The following DDX46 variants were observed in gnomAD, a reference collection of about 807,000 sequenced individuals.
The protein encoded by DDX46 is probable ATP-dependent RNA helicase DDX46.
A neutral mutation model predicts 134.9 loss-of-function variants in DDX46; 30 were observed. The ratio of observed to expected loss-of-function variants is 0.22; its 90% CI spans 0.17 to 0.30. The LOEUF (loss-of-function observed/expected upper bound fraction) is 0.30. Ranked by LOEUF, DDX46 falls within the 10% of genes least tolerant of loss-of-function variation. The pLI is 1.00. For synonymous variants in DDX46, 415 were observed against 404.1 expected, an observed-to-expected ratio of 1.03 and a Z score of -0.32; for missense variants, 622 against 1,248.7, an observed-to-expected ratio of 0.50 and a Z score of 7.56.
At chr5:134,820,166 C>T (rs1280791655) in intron 21 of DDX46, among the ~76,000 whole-genome samples, 4 of 152,248 alleles carry the variant, frequency 2.6e-5, no homozygotes, top group Admixed American at 2.0e-4. Flanking sequence ...ATGGTCCACC[C>T]GCCTTGGTCT....
Position 134,788,494 on chromosome 5 carries a change from G to C in DDX46, c.1465-19G>C, listed in dbSNP as rs752383645. On this transcript the variant is annotated intron_variant, in intron 11 of 22. Transcript: ENST00000452510. ...GTAAGCATTAGTAATAGACTATAAAGTTTCATCTTTTTTATTAGATTGCTG... is the reference window on the plus strand; with the variant it reads ...GTAAGCATTAGTAATAGACTATAAACTTTCATCTTTTTTATTAGATTGCTG... 1.2e-6 allele frequency: 2 copies of C among 1,606,252 alleles called. No homozygotes were observed. The highest frequency in any genetic ancestry group is 2.2e-5 in the South Asian group (2 of 90,770).
At chr5:134,777,226 C>A (rs1048320229) in intron 5 of DDX46, among the ~76,000 whole-genome samples, 1 of 152,290 alleles carries the variant, frequency 6.6e-6, no homozygotes, top group Non-Finnish European at 1.5e-5. Flanking sequence ...TCAAAAAAAA[C>A]ATCATTTAGC....
Position 134,831,107 on chromosome 5 carries a change from T to G in DDX46, c.*2401T>G, listed in dbSNP as rs967733181. 6.6e-6 allele frequency: 1 copy of G among 152,204 alleles called. No individual in the cohort carries two copies. Among genetic ancestry groups the G allele is most frequent in the African/African-American group, 2.4e-5 (1 of 41,468 alleles). The allele number at this position is 152,204 out of a possible 1,614,324, so 9.4% of individuals were successfully genotyped here. ...TTTCTAAATTCCTTATAAAATAAAA[T>G]TAATTCGAATTCAATCTGCACTTTC... On this transcript the variant is annotated 3_prime_UTR_variant, in exon 23 of 23. Transcript: ENST00000452510.
Position 134,784,360 on chromosome 5 carries a change from T to C in DDX46, c.1167-6T>C. The C allele has an allele frequency of 6.3e-7, 1 of 1,593,468 alleles. No homozygotes were observed. The highest frequency in any genetic ancestry group is 8.5e-7 in the Non-Finnish European group (1 of 1,171,588). On this transcript the variant is annotated splice_region_variant and splice_polypyrimidine_tract_variant and intron_variant, in intron 9 of 22. Transcript: ENST00000452510. ...TACCTTTTCTTCCTTTGGTTTTCTT[T>C]TTAAGGCATGGCTATGAAAAGCCCA...
At chr5:134,821,615 G>A (rs1457316054) in intron 21 of DDX46, among the ~76,000 whole-genome samples, 4 of 149,664 alleles carry the variant, frequency 2.7e-5, no homozygotes, top group Non-Finnish European at 5.9e-5. Flanking sequence ...TCACTGCAAC[G>A]GCGCAATTTT....
At chr5:134,798,934 A>G (rs1561866460) in intron 15 of DDX46, among the ~76,000 whole-genome samples, 1 of 152,218 alleles carries the variant, frequency 6.6e-6, no homozygotes, top group Non-Finnish European at 1.5e-5. Flanking sequence ...CACAAAATCT[A>G]TTCTTGTCAT....
intron 16 of DDX46, among the ~76,000 whole-genome samples, chr5:134,808,597 C>CT (rs201117871): frequency 3.9e-5 from 6 of 152,066 alleles, no homozygotes; most frequent in Non-Finnish European, 8.8e-5. Flanking sequence ...ACTTCAGGAT[C>CT]TTTTTTTAAA....
intron 1 of DDX46, 50 bp downstream of exon 1, chr5:134,759,005 G>T (rs1394962696): frequency 6.2e-7 from 1 of 1,601,828 alleles, no homozygotes; most frequent in Non-Finnish European, 8.5e-7. Flanking sequence ...TCTTGGGGTC[G>T]TGAGAAGAGG....
intron 16 of DDX46, among the ~76,000 whole-genome samples, chr5:134,808,548 T>C (rs1755055204): frequency 6.6e-6 from 1 of 152,174 alleles, no homozygotes. Flanking sequence ...TCATTGTAAG[T>C]CGGGGACCAT....
chr5:134,795,134 C>T, intron 14 of DDX46, 120 bp downstream of exon 14: 1 of 1,072,810 alleles, frequency 9.3e-7, no homozygotes, highest in Non-Finnish European at 1.3e-6. Context: ...TCGTATACCA[C>T]TACTCTAGCC....
At chr5:134,795,131 C>T (rs1324149540) in intron 14 of DDX46, 117 bp downstream of exon 14, 4 of 1,164,006 alleles carry the variant, frequency 3.4e-6, no homozygotes, top group Non-Finnish European at 4.9e-6. Flanking sequence ...AAGTCGTATA[C>T]CACTACTCTA....
intron 21 of DDX46, among the ~76,000 whole-genome samples, chr5:134,819,284 G>A (rs1041193799): frequency 6.6e-6 from 1 of 152,178 alleles, no homozygotes; most frequent in African/African-American, 2.4e-5. Context: ...TATGCTTCTA[G>A]TAAGTGGAAT....
At chr5:134,804,312 G>A (rs145961946) in intron 15 of DDX46, among the ~76,000 whole-genome samples, 3 of 152,230 alleles carry the variant, frequency 2.0e-5, no homozygotes, top group Non-Finnish European at 2.9e-5. Context: ...CTAGTATGTA[G>A]GGTTTGCCAC....
chr5:134,798,039 C>T lies in DDX46; in HGVS notation c.1954+1889C>T, dbSNP rs187358861. On this transcript the variant is annotated intron_variant, in intron 15 of 22. Transcript: ENST00000452510. ...GTTGGTCAGGCTGGTCTCGAACTGC[C>T]GACCTCAGGTGATCCGCCCACCTCA... Among the ~76,000 whole-genome samples, 10 of 152,030 alleles carry T rather than the reference C, an allele frequency of 6.6e-5. No homozygotes were observed. The East Asian group carries it at 9.7e-4, about 15-fold the overall frequency.
chr5:134,813,195 G>A (rs1365888944), intron 18 of DDX46, among the ~76,000 whole-genome samples: 4 of 152,054 alleles, frequency 2.6e-5, no homozygotes, highest in Non-Finnish European at 5.9e-5. Context: ...CGCCTGCCTC[G>A]GCCTCCCAAA....
chr5:134,763,231 CTAAAAA>C (rs1451791178), intron 1 of DDX46, among the ~76,000 whole-genome samples: 1 of 152,018 alleles, frequency 6.6e-6, no homozygotes, highest in Non-Finnish European at 1.5e-5. Flanking sequence ...AGGCCTGTTT[CTAAAAA>C]TAAAAATAAA....
At chr5:134,768,345 C>T (rs184587570) in intron 3 of DDX46, among the ~76,000 whole-genome samples, 2,232 of 151,488 alleles carry the variant, frequency 0.015, 23 homozygotes, top group Non-Finnish European at 0.022. Flanking sequence ...CTCCTGATCT[C>T]GTGATCCACC....
intron 1 of DDX46, among the ~76,000 whole-genome samples, chr5:134,763,339 G>A (rs1561848488): frequency 1.3e-5 from 2 of 152,148 alleles, no homozygotes; most frequent in South Asian, 4.1e-4. Context: ...ATAATGGCCA[G>A]TAAGGCCTTC....
chr5:134,818,096 T>C (rs1755331747), intron 20 of DDX46, among the ~76,000 whole-genome samples: 1 of 151,868 alleles, frequency 6.6e-6, no homozygotes, highest in Admixed American at 6.6e-5. Flanking sequence ...ATTACAGGCA[T>C]GCGCCACCAT....
Sources: allele counts gnomAD v4.1 joint callset (sites outside exome capture counted in the v4.1 genomes callset), GRCh38; gene constraint gnomAD v4.1.1; transcripts MANE v1.5; gene names NCBI Gene and HGNC (gene_info 2026-07-23, HGNC 2026-07-21).